The following TLE6 variants were observed in gnomAD, a reference collection of about 807,000 sequenced individuals.
TLE6 encodes the protein transducin-like enhancer protein 6.
Under a neutral mutation model 77.1 loss-of-function variants are expected in TLE6, and 72 were observed. The observed-to-expected ratio is 0.93, with a 90% CI of 0.77 to 1.14. The LOEUF is 1.14. Among genes scored for constraint, TLE6 ranks in the 50% most tolerant of loss-of-function variants. The probability of loss-of-function intolerance (pLI) is 0.00; values close to 1 mark genes in which losing one functional copy is unlikely to be tolerated. For synonymous variants in TLE6, 366 were observed against 287.3 expected, an observed-to-expected ratio of 1.27 and a Z score of -2.77; for missense variants, 843 against 747.6, an observed-to-expected ratio of 1.13 and a Z score of -1.49.
chr19:2,992,793 A>ACCGG (rs1487334518), intron 14 of TLE6, among the ~76,000 whole-genome samples: 1 of 19,760 alleles, frequency 5.1e-5, no homozygotes, highest in Non-Finnish European at 8.1e-5. Flanking sequence ...AAAAAAAAAA[A>ACCGG]GGGGGGGAGG....
At chr19:2,988,861 G>C in intron 11 of TLE6, 200 bp from the exon 12 acceptor site, 1 of 728,142 alleles carries the variant, frequency 1.4e-6, no homozygotes, top group South Asian at 2.0e-5. Flanking sequence ...GAAGGCAGAA[G>C]TATGTGGAGG....
chr19:2,982,228 A>T, intron 5 of TLE6, 39 bp downstream of exon 5: 2 of 1,549,994 alleles, frequency 1.3e-6, no homozygotes, highest in Non-Finnish European at 1.7e-6. Flanking sequence ...CTGTCCCTCC[A>T]TGAAAGGCAT....
Position 2,989,167 on chromosome 19 carries a change from T to C in TLE6, c.847T>C (p.Leu283=), listed in dbSNP as rs751654391. 6.2e-7 allele frequency: 1 copy of C among 1,614,134 alleles called. No individual in the cohort carries two copies. The highest frequency in any genetic ancestry group is 8.5e-7 in the Non-Finnish European group (1 of 1,180,052). ...GTGCAAACTGGAAAAGATGCGGATC[T>C]TGGCACACGGGGAGCTCGTGCTCGC... The part of the protein sequence containing the change: ...VPCKLEKMRI[L]AHGELVLATA... Residue 283 remains leucine (L), a synonymous_variant, in exon 12 of 17, where the codon TTG becomes CTG. Transcript: ENST00000246112.
intron 5 of TLE6, among the ~76,000 whole-genome samples, chr19:2,982,884 G>C (rs1049306673): frequency 6.6e-6 from 1 of 152,166 alleles, no homozygotes; most frequent in African/African-American, 2.4e-5. Flanking sequence ...CAGGCACCCG[G>C]CTGTGTTCCC....
chr19:2,980,324 C>A (rs2088773028), intron 3 of TLE6, 142 bp downstream of exon 3: 2 of 566,930 alleles, frequency 3.5e-6, no homozygotes, highest in Admixed American at 6.6e-5. Context: ...AGATACCCAG[C>A]ATGGAGAACC....
At chr19:2,990,929 A>T (rs1243879488) in intron 13 of TLE6, among the ~76,000 whole-genome samples, 2 of 150,900 alleles carry the variant, frequency 1.3e-5, no homozygotes, top group South Asian at 2.1e-4. Flanking sequence ...TGAGAAGCGG[A>T]GTTTGTGGTG....
chr19:2,986,983 G>T lies in TLE6; in HGVS notation c.286G>T (p.Val96Phe). 6.2e-7 allele frequency: 1 copy of T among 1,610,056 alleles called. No individual in the cohort carries two copies. Among genetic ancestry groups the T allele is most frequent in the Non-Finnish European group, 8.5e-7 (1 of 1,177,754 alleles). Residue 96 changes from valine to phenylalanine, a missense_variant and splice_region_variant, in exon 7 of 17, where the codon GTC becomes TTC. Physicochemically the swap from Val to Phe is conservative, Grantham distance 50. Coordinates refer to ENST00000246112, the MANE Select transcript of TLE6 (RefSeq NM_001143986.2). ...CACTGCCTTGTTCCTGCCGGGCCAGGTCTCACCTGCTGAACCAGCCAGCCC... is the reference window on the plus strand; with the variant it reads ...CACTGCCTTGTTCCTGCCGGGCCAGTTCTCACCTGCTGAACCAGCCAGCCC... Reference protein sequence around the residue: ...SQLQGFQSEEVSPAEPASPGT... With the variant: ...SQLQGFQSEEFSPAEPASPGT...
chr19:2,989,034 AG>A (rs755188448), intron 11 of TLE6, 26 bp from the exon 12 acceptor site: 25 of 1,607,474 alleles, frequency 1.6e-5, no homozygotes, highest in Non-Finnish European at 2.0e-5. Flanking sequence ...CAAGCAGGTC[AG>A]TTACCCCAAG....
chr19:2,994,961 C>G lies in TLE6; in HGVS notation c.1676C>G (p.Thr559Arg), dbSNP rs776460999. Residue 559 changes from threonine to arginine, a missense_variant, in exon 17 of 17, where the codon ACA (threonine) becomes AGA (arginine). By Grantham distance (71) the Thr-to-Arg change is moderately conservative. Coordinates refer to ENST00000246112, the MANE Select transcript of TLE6 (RefSeq NM_001143986.2). ...DVSSNNRLVV[T>R]GSGEHASVYQ... Reference sequence around the variant, plus strand: ...TCTTCCAACAACCGCCTCGTTGTCACAGGCTCCGGGGAGCACGCCTCCGTG... The same window carrying G: ...TCTTCCAACAACCGCCTCGTTGTCAGAGGCTCCGGGGAGCACGCCTCCGTG... The G allele has an allele frequency of 1.2e-6, 2 of 1,609,810 alleles. No homozygotes were observed. The highest frequency in any genetic ancestry group is 1.3e-5 in the African/African-American group (1 of 74,846).
At chr19:2,988,188 T>C (rs767501540) in intron 11 of TLE6, 60 bp downstream of exon 11, 44 of 1,503,550 alleles carry the variant, frequency 2.9e-5, no homozygotes, top group Non-Finnish European at 3.9e-5. Context: ...TTCCTTCCTG[T>C]CTATACCTCT....
At position 2,994,930 on chromosome 19, in the gene TLE6, G is replaced by A. The variant is rs755341491; in HGVS notation, c.1645G>A (p.Asp549Asn). ...VPEMSPVTCC[D>N]VSSNNRLVVT... ...TGAGATGTCTCCAGTCACGTGCTGT[G>A]ACGTCTCTTCCAACAACCGCCTCGT... Residue 549 changes from aspartate to asparagine, a missense_variant, in exon 17 of 17, where the codon GAC becomes AAC. Asp to Asn is a conservative substitution (Grantham distance 23). Transcript: ENST00000246112. 1 of 1,605,760 alleles carries A rather than the reference G, an allele frequency of 6.2e-7. No individual in the cohort carries two copies. The highest frequency in any genetic ancestry group is 1.7e-5 in the Admixed American group (1 of 59,212).
chr19:2,993,685 G>GA, intron 15 of TLE6, 103 bp downstream of exon 15: 1 of 1,416,574 alleles, frequency 7.1e-7, no homozygotes. Flanking sequence ...GGACACCTCA[G>GA]AACCCTTCTG....
intron 11 of TLE6, among the ~76,000 whole-genome samples, 164 bp downstream of exon 11, chr19:2,988,292 C>T (rs2088963067): frequency 6.6e-6 from 1 of 152,176 alleles, no homozygotes; most frequent in South Asian, 2.1e-4. Context: ...GCTGCAGAGG[C>T]TGGGTAGAAA....
intron 8 of TLE6, 81 bp from the exon 9 acceptor site, chr19:2,987,643 G>A (rs909375702): frequency 1.3e-5 from 20 of 1,517,516 alleles, no homozygotes; most frequent in Non-Finnish European, 1.7e-5. Context: ...GACAAGCCCT[G>A]TGCAAGCTGC....
In TLE6 at chr19:2,989,556, A is replaced by G. The variant is rs756736116; in HGVS notation, c.1015A>G (p.Thr339Ala). 1.7e-5 allele frequency: 27 copies of G among 1,612,738 alleles called. 1 individual carries two copies. In the South Asian group the frequency reaches 2.6e-4, roughly 16 times the overall value. ...CCAGACCCCTGGGGCCTTCCTGCGC[A>G]CCTGCCTGCTGTCCTCAAACAGCAG... ...PIQTPGAFLR[T>A]CLLSSNSRSL... The change falls in exon 13 of 17, where the codon ACC becomes GCC. Residue 339 changes from threonine to alanine, a missense_variant. By Grantham distance (58) the Thr-to-Ala change is moderately conservative. Coordinates refer to ENST00000246112, the MANE Select transcript of TLE6 (RefSeq NM_001143986.2).
At chr19:2,977,990 C>T (rs767228583) in intron 1 of TLE6, among the ~76,000 whole-genome samples, 1 of 152,016 alleles carries the variant, frequency 6.6e-6, no homozygotes, top group Non-Finnish European at 1.5e-5. Flanking sequence ...AGGCTCAGTT[C>T]TTTCTGGGTC....
Position 2,995,063 on chromosome 19 carries a change from C to G in TLE6, c.*59C>G, listed in dbSNP as rs548562389. On this transcript the variant is annotated 3_prime_UTR_variant, in exon 17 of 17. Transcript: ENST00000246112. ...TCTTTTCATCCCCCCCCTTCCCCCCCCCCAACAAGGGGGACATGGTGGAGG... is the reference window on the plus strand; with the variant it reads ...TCTTTTCATCCCCCCCCTTCCCCCCGCCCAACAAGGGGGACATGGTGGAGG... 7.2e-5 allele frequency: 74 copies of G among 1,028,360 alleles called. No individual in the cohort carries two copies. The highest frequency in any genetic ancestry group is 3.1e-4 in the Middle Eastern group (1 of 3,260). The allele number at this position is 1,028,360 out of a possible 1,614,324, so 63.7% of individuals were successfully genotyped here.
intron 12 of TLE6, 33 bp downstream of exon 12, chr19:2,989,346 G>T: frequency 6.2e-7 from 1 of 1,607,494 alleles, no homozygotes. Flanking sequence ...GGGATGCAGG[G>T]CTTCTGGGAA....
Position 2,980,114 on chromosome 19 carries a change from C to G in TLE6, c.66C>G (p.Ile22Met). 6.4e-7 allele frequency: 1 copy of G among 1,550,622 alleles called. No homozygotes were observed. The highest frequency in any genetic ancestry group is 8.7e-7 in the Non-Finnish European group (1 of 1,146,274). Residue 22 changes from isoleucine to methionine, a missense_variant, in exon 3 of 17, where the codon ATC becomes ATG. Coordinates refer to ENST00000246112, the MANE Select transcript of TLE6 (RefSeq NM_001143986.2). ...GACCTTTCCAGCCTTGTCCTGGGAT[C>G]TCGAACTCTGAGAGCTCTCCGACGC... is the stretch of plus-strand genomic sequence containing the variant. ...PPKSTSPCPGISNSESSPTLN... is the reference protein window; with the variant it reads ...PPKSTSPCPGMSNSESSPTLN...
Sources: gnomAD v4.1 joint callset for allele counts (sites outside exome capture counted in the v4.1 genomes callset) on GRCh38, gnomAD v4.1.1 for gene constraint, MANE v1.5 for transcripts, NCBI Gene and HGNC (gene_info 2026-07-23, HGNC 2026-07-21) for gene names.